The following APBB1 variants were observed in gnomAD, a reference collection of about 807,000 sequenced individuals.
APBB1 encodes adaptor protein FE65a2.
Under a neutral mutation model 78.4 loss-of-function variants are expected in APBB1, and 22 were observed. The observed-to-expected ratio is 0.28, with a 90% CI of 0.20 to 0.40. The LOEUF (loss-of-function observed/expected upper bound fraction) is 0.40, where lower values mean the gene tolerates loss of function less well. Ranked by LOEUF, APBB1 falls within the 10% of genes least tolerant of loss-of-function variation. The pLI is 1.00. For synonymous variants in APBB1, 369 were observed against 372.7 expected, an observed-to-expected ratio of 0.99 and a Z score of 0.12; for missense variants, 749 against 932.4, an observed-to-expected ratio of 0.80 and a Z score of 2.56.
chr11:6,411,268 G>A lies in APBB1; in HGVS notation c.80C>T (p.Pro27Leu), dbSNP rs1848958432. Reference sequence around the variant, plus strand: ...CAGCTGGTTGTGGGCAGCGTGCAGAGGCAGGGGTAGGCTCAGTGCGGGGCC... The same window carrying A: ...CAGCTGGTTGTGGGCAGCGTGCAGAAGCAGGGGTAGGCTCAGTGCGGGGCC... ...HGGPALSLPL[P>L]LHAAHNQLLN... The change falls in exon 2 of 15, where the codon CCT becomes CTT. Residue 27 changes from proline to leucine, a missense_variant. Physicochemically the swap from Pro to Leu is moderately conservative, Grantham distance 98. Around this residue, in one of 3 missense-constraint regions of APBB1, gnomAD observed 635 missense variants for 765.0 expected, o/e 0.83. Transcript: ENST00000609360. The surrounding 1 kb of genome is among the most constrained non-coding windows in gnomAD (Gnocchi z 5.2). 6.2e-7 allele frequency: 1 copy of A among 1,601,768 alleles called. No individual in the cohort carries two copies. Among genetic ancestry groups the A allele is most frequent in the Non-Finnish European group, 8.5e-7 (1 of 1,174,534 alleles).
rs749102212 is a variant in APBB1 at position 6,403,790 on chromosome 11, C to A, written c.754G>T (p.Asp252Tyr). The A allele has an allele frequency of 6.3e-7, 1 of 1,575,510 alleles. No individual in the cohort carries two copies. The highest frequency in any genetic ancestry group is 8.6e-7 in the Non-Finnish European group (1 of 1,158,864). The stretch of plus-strand genomic sequence containing the variant: ...ATCCATCCAGCCGGCAGGTCGGAAT[C>A]CGTCTCGAAGGCGTTGGGGTTCCAG... ...SFWNPNAFET[D>Y]SDLPAGWMRV... Residue 252 changes from aspartate (D) to tyrosine (Y), a missense_variant, in exon 3 of 15, where the codon GAT (aspartate) becomes TAT (tyrosine). This residue lies in a region of APBB1 where 635 missense variants were observed against 765.0 expected (regional missense o/e 0.83). Coordinates refer to ENST00000609360, the MANE Select transcript of APBB1 (RefSeq NM_001164.5). The surrounding 1 kb of genome is among the most constrained non-coding windows in gnomAD (Gnocchi z 5.3).
chr11:6,412,193 C>T (rs904027313), intron 1 of APBB1, among the ~76,000 whole-genome samples: 1 of 152,166 alleles, frequency 6.6e-6, no homozygotes, highest in Non-Finnish European at 1.5e-5. Flanking sequence ...GCTCTTGTTG[C>T]CCAGGCTGGA....
At chr11:6,416,111 G>T (rs528014079) in intron 1 of APBB1, among the ~76,000 whole-genome samples, 1 of 152,240 alleles carries the variant, frequency 6.6e-6, no homozygotes, top group South Asian at 2.1e-4. Flanking sequence ...CACAGTGCTC[G>T]TCTTGGTTGT....
chr11:6,403,991 T>A lies in APBB1; in HGVS notation c.722-169A>T, dbSNP rs906976648. 10 of 645,428 alleles carry A rather than the reference T, an allele frequency of 1.5e-5. No homozygotes were observed. Among genetic ancestry groups the A allele is most frequent in the African/African-American group, 1.5e-4 (8 of 54,810 alleles). 40.0% of individuals were successfully genotyped at this position (645,428 alleles called of 1,614,324 possible). Reference sequence around the variant, plus strand: ...GCCTATAGTCTGGAGTCACCACATGTGGGGCCACCAGTAGGGGACATGGCT... The same window carrying A: ...GCCTATAGTCTGGAGTCACCACATGAGGGGCCACCAGTAGGGGACATGGCT... On this transcript the variant is annotated intron_variant, in intron 2 of 14. Transcript: ENST00000609360. The surrounding 1 kb of genome is among the most constrained non-coding windows in gnomAD (Gnocchi z 5.3).
chr11:6,403,722 T>C lies in APBB1; in HGVS notation c.822A>G (p.Pro274=), dbSNP rs1274541752. The part of the protein sequence containing the change: ...DTSGTYYWHI[P]TGTTQWEPPG... ...GGGGTTCCCACTGGGTGGTCCCTGT[T>C]GGGATGTGCCAGTAATAGGTCCCTG... is the stretch of plus-strand genomic sequence containing the variant. Residue 274 remains proline, a synonymous_variant, in exon 3 of 15, where the codon CCA becomes CCG. Transcript: ENST00000609360. The surrounding 1 kb of genome is among the most constrained non-coding windows in gnomAD (Gnocchi z 5.3). 6.2e-7 allele frequency: 1 copy of C among 1,610,686 alleles called. No homozygotes were observed. The highest frequency in any genetic ancestry group is 1.7e-5 in the Admixed American group (1 of 59,858).
At position 6,403,700 on chromosome 11, in the gene APBB1, G is replaced by T; in HGVS notation, c.844C>A (p.Pro282Thr). Residue 282 changes from proline to threonine, a missense_variant, in exon 3 of 15, where the codon CCC (proline) becomes ACC (threonine). Around this residue, in one of 3 missense-constraint regions of APBB1, gnomAD observed 635 missense variants for 765.0 expected, o/e 0.83. Transcript: ENST00000609360. The surrounding 1 kb of genome is among the most constrained non-coding windows in gnomAD (Gnocchi z 5.3). Reference protein sequence around the residue: ...HIPTGTTQWEPPGRASPSQGS... With the variant: ...HIPTGTTQWETPGRASPSQGS... ...TGTGAGGGGGAGGCCCGGCCGGGGGGTTCCCACTGGGTGGTCCCTGTTGGG... is the reference window on the plus strand; with the variant it reads ...TGTGAGGGGGAGGCCCGGCCGGGGGTTTCCCACTGGGTGGTCCCTGTTGGG... The T allele has an allele frequency of 6.2e-7, 1 of 1,609,650 alleles. No homozygotes were observed. Among genetic ancestry groups the T allele is most frequent in the Admixed American group, 1.7e-5 (1 of 59,830 alleles).
At chr11:6,406,628 A>G (rs539842959) in intron 2 of APBB1, among the ~76,000 whole-genome samples, 9 of 152,164 alleles carry the variant, frequency 5.9e-5, no homozygotes, top group African/African-American at 2.2e-4. Context: ...TCTGCCTCTC[A>G]GCCTTACCTC....
intron 1 of APBB1, among the ~76,000 whole-genome samples, chr11:6,412,511 T>C (rs918085408): frequency 6.6e-6 from 1 of 152,172 alleles, no homozygotes; most frequent in African/African-American, 2.4e-5. Flanking sequence ...TGAACACCCA[T>C]TTTAAAACCA....
At chr11:6,404,477 G>C in intron 2 of APBB1, 1 of 1,125,764 alleles carries the variant, frequency 8.9e-7, no homozygotes. Flanking sequence ...CACACACACA[G>C]GCGGACCCAC....
chr11:6,395,807 C>T lies in APBB1; in HGVS notation c.1944G>A (p.Glu648=). ...WCEPNAASLS[E]AVQAACMLRY... ...TTACCATGCACGCAGCCTGCACAGC[C>T]TCTGAGAGGCTGGCAGCATTGGGCT... The change falls in exon 14 of 15, where the codon GAG becomes GAA. Residue 648 remains glutamate, a synonymous_variant. Transcript: ENST00000609360. This position sits in a 1 kb window ranked among gnomAD's most constrained non-coding sequence, Gnocchi z 5.2. 1 of 1,614,104 alleles carries T rather than the reference C, an allele frequency of 6.2e-7. No homozygotes were observed. Among genetic ancestry groups the T allele is most frequent in the Non-Finnish European group, 8.5e-7 (1 of 1,179,998 alleles).
rs1185890784 is a variant in APBB1 at position 6,402,580 on chromosome 11, C to T, written c.1250G>A (p.Gly417Glu). Residue 417 changes from glycine to glutamate, a missense_variant, in exon 7 of 15, where the codon GGG (glycine) becomes GAG (glutamate). By Grantham distance (98) the Gly-to-Glu change is moderately conservative (BLOSUM62 -2). Around this residue, in one of 3 missense-constraint regions of APBB1, gnomAD observed 635 missense variants for 765.0 expected, o/e 0.83. Coordinates refer to ENST00000609360, the MANE Select transcript of APBB1 (RefSeq NM_001164.5). Reference protein sequence around the residue: ...NLHDPMSGGWGEGKDLLLQLE... With the variant: ...NLHDPMSGGWEEGKDLLLQLE... The stretch of plus-strand genomic sequence containing the variant: ...ACCCCCGGCTCAGGTCCTTACTTCC[C>T]CCCAGCCCCCAGACATGGGGTCATG... 6.2e-7 allele frequency: 1 copy of T among 1,613,984 alleles called. No homozygotes were observed. Among genetic ancestry groups the T allele is most frequent in the East Asian group, 2.2e-5 (1 of 44,886 alleles).
At chr11:6,416,354 G>A (rs553771780) in intron 1 of APBB1, among the ~76,000 whole-genome samples, 1 of 152,196 alleles carries the variant, frequency 6.6e-6, no homozygotes, top group Non-Finnish European at 1.5e-5. Context: ...ATCAGTATAA[G>A]TATTCATTAA....
intron 1 of APBB1, among the ~76,000 whole-genome samples, chr11:6,416,631 T>A (rs1440555257): frequency 6.6e-6 from 1 of 152,218 alleles, no homozygotes; most frequent in African/African-American, 2.4e-5. Context: ...CTGCACTTGC[T>A]ATGTTCAATC....
intron 1 of APBB1, among the ~76,000 whole-genome samples, chr11:6,414,605 G>T (rs926828174): frequency 6.6e-6 from 1 of 152,230 alleles, no homozygotes; most frequent in African/African-American, 2.4e-5. Flanking sequence ...GAGGAGCAAA[G>T]GGAGTGTTTG....
Position 6,403,903 on chromosome 11 carries a change from C to T in APBB1, c.722-81G>A. On this transcript the variant is annotated intron_variant, in intron 2 of 14. Coordinates refer to ENST00000609360, the MANE Select transcript of APBB1 (RefSeq NM_001164.5). The surrounding 1 kb of genome is among the most constrained non-coding windows in gnomAD (Gnocchi z 5.3). ...GCCTATGCCCGGTCCCCTCTGAGAC[C>T]CCATGGTTGAGAAGGGGTGGTGGAA... 1.1e-5 allele frequency: 16 copies of T among 1,446,560 alleles called. No homozygotes were observed. The highest frequency in any genetic ancestry group is 1.4e-5 in the Non-Finnish European group (15 of 1,077,144). The allele number at this position is 1,446,560 out of a possible 1,614,324, so 89.6% of individuals were successfully genotyped here.
intron 1 of APBB1, among the ~76,000 whole-genome samples, chr11:6,414,376 C>G (rs1849068615): frequency 6.6e-6 from 1 of 152,240 alleles, no homozygotes; most frequent in East Asian, 1.9e-4. Flanking sequence ...TGTCTCACAA[C>G]ACCCAGAACC....
At chr11:6,406,838 C>T (rs146579372) in intron 2 of APBB1, among the ~76,000 whole-genome samples, 2 of 152,322 alleles carry the variant, frequency 1.3e-5, no homozygotes, top group African/African-American at 2.4e-5. Flanking sequence ...CCTGTACTTC[C>T]CCAGCCCCAG....
intron 1 of APBB1, among the ~76,000 whole-genome samples, chr11:6,412,827 G>A (rs914863434): frequency 3.9e-5 from 6 of 152,052 alleles, no homozygotes; most frequent in South Asian, 2.1e-4. Flanking sequence ...CTTTGGTTAC[G>A]TTACTATGCC....
In APBB1 at chr11:6,406,776, T is replaced by G. The variant is rs528528843; in HGVS notation, c.722-2954A>C. 2.5e-3 allele frequency among the ~76,000 whole-genome samples: 380 copies of G among 152,270 alleles called. 1 individual carries two copies. The highest frequency in any genetic ancestry group is 8.7e-3 in the African/African-American group (361 of 41,546). ...CAGTATACAGGTCCCTTCTTAAAAC[T>G]GACCCATTGCCCTCTCCCCCACCAC... is the stretch of plus-strand genomic sequence containing the variant. On this transcript the variant is annotated intron_variant, in intron 2 of 14. Transcript: ENST00000609360.
Sources: gnomAD v4.1 joint callset for allele counts (sites outside exome capture counted in the v4.1 genomes callset) on GRCh38, gnomAD v4.1.1 for gene constraint, gnomAD v4.1.1 regional missense constraint, Gnocchi (gnomAD v3.1) non-coding constraint, MANE v1.5 for transcripts, NCBI Gene and HGNC (gene_info 2026-07-23, HGNC 2026-07-21) for gene names.